The following LPP variants were observed in gnomAD, a reference collection of about 807,000 sequenced individuals.
LPP encodes the protein lipoma-preferred partner.
In LPP, 38 loss-of-function variants were observed where a neutral mutation model predicts 60.4. That is an observed-to-expected ratio of 0.63 (90% confidence interval 0.49 to 0.83). The LOEUF (loss-of-function observed/expected upper bound fraction) is 0.83. Among genes scored for constraint, LPP ranks in the 40% least tolerant of loss-of-function variants. The pLI is 0.00. For missense variants in LPP, 902 were observed against 783.6 expected (o/e 1.15, Z -1.80); for synonymous variants, 328 against 290.8 (o/e 1.13, Z -1.30).
intron 2 of LPP, among the ~76,000 whole-genome samples, chr3:188,243,886 A>AT: frequency 6.6e-6 from 1 of 151,792 alleles, no homozygotes; most frequent in East Asian, 1.9e-4. Context: ...TAAAATTTTT[A>AT]TTTTTTTGAG....
At chr3:188,375,901 T>G (rs1774915258) in intron 3 of LPP, among the ~76,000 whole-genome samples, 1 of 152,236 alleles carries the variant, frequency 6.6e-6, no homozygotes, top group African/African-American at 2.4e-5. Flanking sequence ...TCTGGTATGT[T>G]GTGTCTTTGT....
At chr3:188,766,081 A>G (rs1396183314) in intron 9 of LPP, among the ~76,000 whole-genome samples, 1 of 151,680 alleles carries the variant, frequency 6.6e-6, no homozygotes, top group Admixed American at 6.6e-5. Context: ...CATGTTGGCC[A>G]GGCTGGTCTC....
At chr3:188,287,237 C>T (rs1174093501) in intron 2 of LPP, among the ~76,000 whole-genome samples, 1 of 152,238 alleles carries the variant, frequency 6.6e-6, no homozygotes, top group Non-Finnish European at 1.5e-5. Flanking sequence ...TTCCACCAGC[C>T]TCATATCTCC....
intron 3 of LPP, among the ~76,000 whole-genome samples, chr3:188,357,277 A>G (rs771734093): frequency 1.4e-4 from 21 of 152,238 alleles, no homozygotes; most frequent in Non-Finnish European, 2.8e-4. Flanking sequence ...GACAGGAAAG[A>G]AGGTGAACGG....
intron 9 of LPP, among the ~76,000 whole-genome samples, chr3:188,833,433 G>A (rs1431007773): frequency 6.6e-6 from 1 of 152,214 alleles, no homozygotes; most frequent in Non-Finnish European, 1.5e-5. Context: ...GTTGAAACTT[G>A]AATTCCTTTC....
At chr3:188,392,453 C>G (rs1036448750) in intron 3 of LPP, among the ~76,000 whole-genome samples, 1 of 152,020 alleles carries the variant, frequency 6.6e-6, no homozygotes, top group Non-Finnish European at 1.5e-5. Context: ...CTGTTTTGAC[C>G]CCACTTTCCT....
chr3:188,881,309 A>G lies in LPP; in HGVS notation c.*6830A>G. The G allele has an allele frequency of 5.2e-6, 1 of 193,722 alleles. No individual in the cohort carries two copies. The highest frequency in any genetic ancestry group is 8.1e-5 in the East Asian group (1 of 12,418). 12.0% of individuals were successfully genotyped at this position (193,722 alleles called of 1,614,324 possible). On this transcript the variant is annotated 3_prime_UTR_variant, in exon 12 of 12. Transcript: ENST00000617246. ...GCTCCACAAAACAAGTCTTAAGTCC[A>G]AATCTTTGCCTCTTCATGTCTGATA...
At chr3:188,756,168 GAGAGC>G (rs1382617184) in intron 8 of LPP, among the ~76,000 whole-genome samples, 3 of 152,184 alleles carry the variant, frequency 2.0e-5, no homozygotes, top group Non-Finnish European at 4.4e-5. Context: ...CTATAGATGG[GAGAGC>G]AGAGGTGAAG....
chr3:188,360,625 G>A (rs543315978), intron 3 of LPP, among the ~76,000 whole-genome samples: 6 of 152,144 alleles, frequency 3.9e-5, no homozygotes, highest in Admixed American at 3.9e-4. Flanking sequence ...CCAAAGTGCT[G>A]GGATTACAGT....
At chr3:188,443,840 T>G (rs1393795805) in intron 4 of LPP, among the ~76,000 whole-genome samples, 2 of 152,190 alleles carry the variant, frequency 1.3e-5, no homozygotes, top group Non-Finnish European at 2.9e-5. Context: ...TTAATATTAT[T>G]CATTAACAAA....
intron 5 of LPP, among the ~76,000 whole-genome samples, chr3:188,488,246 A>T (rs548853582): frequency 6.6e-6 from 1 of 152,304 alleles, no homozygotes; most frequent in Admixed American, 6.5e-5. Flanking sequence ...TGGAAGGAGC[A>T]GGTGATGCCG....
At chr3:188,686,866 A>G (rs1348911755) in intron 7 of LPP, among the ~76,000 whole-genome samples, 1 of 152,228 alleles carries the variant, frequency 6.6e-6, no homozygotes, top group Non-Finnish European at 1.5e-5. Context: ...AAGCAGCACA[A>G]AAAACAAGGA....
Position 188,300,235 on chromosome 3 carries a change from A to C in LPP, c.-66-41428A>C, listed in dbSNP as rs116618410. ...TCTTTTTTTGTGTGTGTTTGTGTATATCTATGTGTATTTTTATTCTGTTTT... is the reference window on the plus strand; with the variant it reads ...TCTTTTTTTGTGTGTGTTTGTGTATCTCTATGTGTATTTTTATTCTGTTTT... On this transcript the variant is annotated intron_variant, in intron 2 of 11. Coordinates refer to ENST00000617246, the MANE Select transcript of LPP (RefSeq NM_001375462.1). Among the ~76,000 whole-genome samples the C allele has an allele frequency of 7.2e-3, 1,097 of 151,950 alleles. 13 individuals carry two copies. Among genetic ancestry groups the C allele is most frequent in the African/African-American group, 0.025 (1,030 of 41,404 alleles).
At chr3:188,763,584 T>C (rs1177305152) in intron 9 of LPP, among the ~76,000 whole-genome samples, 1 of 152,192 alleles carries the variant, frequency 6.6e-6, no homozygotes. Flanking sequence ...ATTGTAATTC[T>C]CTTTAATCAT....
At chr3:188,577,770 T>TTCTG (rs1479419187) in intron 6 of LPP, among the ~76,000 whole-genome samples, 12 of 146,684 alleles carry the variant, frequency 8.2e-5, no homozygotes, top group Non-Finnish European at 1.2e-4. Context: ...CGTTCCTTCC[T>TTCTG]TCCTTCCTTC....
chr3:188,821,401 A>G (rs1258290126), intron 9 of LPP, among the ~76,000 whole-genome samples: 2 of 149,970 alleles, frequency 1.3e-5, no homozygotes, highest in Non-Finnish European at 3.0e-5. Flanking sequence ...ATGTCATTCC[A>G]ATGTTAAGAT....
chr3:188,683,952 G>A (rs1332836193), intron 7 of LPP, among the ~76,000 whole-genome samples: 1 of 152,212 alleles, frequency 6.6e-6, no homozygotes, highest in Non-Finnish European at 1.5e-5. Context: ...CACTAGACTT[G>A]AAGTCGGGAA....
intron 2 of LPP, among the ~76,000 whole-genome samples, chr3:188,297,590 T>C (rs1230067174): frequency 6.6e-6 from 1 of 152,216 alleles, no homozygotes; most frequent in Non-Finnish European, 1.5e-5. Context: ...GTAGTTTATA[T>C]AGTGATTCAA....
At chr3:188,385,351 G>C (rs1777996463) in intron 3 of LPP, among the ~76,000 whole-genome samples, 1 of 152,106 alleles carries the variant, frequency 6.6e-6, no homozygotes, top group Non-Finnish European at 1.5e-5. Context: ...GCGTGTGGGG[G>C]GGTGTGAAGA....
Sources: allele counts gnomAD v4.1 joint callset (sites outside exome capture counted in the v4.1 genomes callset), GRCh38; gene constraint gnomAD v4.1.1; transcripts MANE v1.5; gene names NCBI Gene and HGNC (gene_info 2026-07-23, HGNC 2026-07-21).